The following THSD4 variants were observed in gnomAD, a reference collection of about 807,000 sequenced individuals.
The protein encoded by THSD4 is thrombospondin type-1 domain-containing protein 4.
Under a neutral mutation model 119.0 loss-of-function variants are expected in THSD4, and 69 were observed. The observed-to-expected ratio is 0.58, with a 90% CI of 0.48 to 0.71. The LOEUF is 0.71. THSD4 is among the 30% of genes least tolerant of loss of function. The pLI is 0.00. For missense variants in THSD4, 1,393 were observed against 1,391.1 expected (o/e 1.00, Z -0.02); for synonymous variants, 524 against 540.4 (o/e 0.97, Z 0.42).
chr15:71,470,881 C>G (rs974795768), intron 7 of THSD4, among the ~76,000 whole-genome samples: 6 of 151,538 alleles, frequency 4.0e-5, no homozygotes, highest in Non-Finnish European at 8.8e-5. Context: ...ATGATCCACC[C>G]GCCTCGGCCT....
At chr15:71,314,644 G>T (rs2045161579) in intron 6 of THSD4, among the ~76,000 whole-genome samples, 1 of 152,228 alleles carries the variant, frequency 6.6e-6, no homozygotes. Flanking sequence ...AAGTACTTGT[G>T]CTTTCAGCCT....
intron 1 of THSD4, among the ~76,000 whole-genome samples, chr15:71,127,003 A>G (rs2040461488): frequency 1.3e-5 from 2 of 152,212 alleles, no homozygotes; most frequent in Non-Finnish European, 2.9e-5. Flanking sequence ...AACTATTTTC[A>G]CTGCACTATG....
intron 15 of THSD4, 26 bp from the exon 16 acceptor site, chr15:71,764,994 T>C (rs757850896): frequency 2.5e-6 from 4 of 1,602,666 alleles, no homozygotes; most frequent in African/African-American, 2.7e-5. Context: ...CATGTGACAC[T>C]CATCTTTTTC....
At chr15:71,702,865 G>C (rs372211199) in intron 8 of THSD4, among the ~76,000 whole-genome samples, 1 of 152,110 alleles carries the variant, frequency 6.6e-6, no homozygotes, top group South Asian at 2.1e-4. Context: ...GGCAGAGTCC[G>C]TGCCTCTCTG....
At chr15:71,419,353 C>T (rs1375989027) in intron 7 of THSD4, among the ~76,000 whole-genome samples, 1 of 105,896 alleles carries the variant, frequency 9.4e-6, no homozygotes, top group African/African-American at 3.2e-5. Context: ...AGGTGCACGC[C>T]ACCACATCTG....
intron 3 of THSD4, among the ~76,000 whole-genome samples, chr15:71,162,397 T>C (rs1281075671): frequency 6.6e-6 from 1 of 152,088 alleles, no homozygotes; most frequent in Non-Finnish European, 1.5e-5. Flanking sequence ...TTGCTGGAAA[T>C]AGTATTCTTA....
intron 6 of THSD4, among the ~76,000 whole-genome samples, chr15:71,283,595 T>C (rs1048594303): frequency 6.6e-6 from 1 of 152,156 alleles, no homozygotes; most frequent in South Asian, 2.1e-4. Flanking sequence ...TGGGCTGCTT[T>C]ACAAGAAGCA....
chr15:71,289,922 C>G (rs919512523), intron 6 of THSD4, among the ~76,000 whole-genome samples: 1 of 152,076 alleles, frequency 6.6e-6, no homozygotes, highest in Non-Finnish European at 1.5e-5. Context: ...TTCCATTTTC[C>G]TAGCTGGATG....
chr15:71,244,847 T>C (rs1453567823), intron 5 of THSD4, among the ~76,000 whole-genome samples: 1 of 152,250 alleles, frequency 6.6e-6, no homozygotes, highest in East Asian at 1.9e-4. Context: ...TATTCTCCCA[T>C]TGAGTAGTGT....
intron 6 of THSD4, among the ~76,000 whole-genome samples, chr15:71,384,464 AT>A (rs1679451731): frequency 6.6e-6 from 1 of 152,140 alleles, no homozygotes; most frequent in Non-Finnish European, 1.5e-5. Context: ...GCCTTCCTTT[AT>A]CTGAAGGTAT....
At chr15:71,520,513 T>A (rs1198240007) in intron 7 of THSD4, among the ~76,000 whole-genome samples, 2 of 152,200 alleles carry the variant, frequency 1.3e-5, no homozygotes, top group Non-Finnish European at 2.9e-5. Flanking sequence ...CAAGGCAGTG[T>A]CTTGACCCCT....
intron 3 of THSD4, among the ~76,000 whole-genome samples, chr15:71,205,090 C>G (rs2043832729): frequency 6.6e-6 from 1 of 152,134 alleles, no homozygotes; most frequent in African/African-American, 2.4e-5. Context: ...ATTCCTGGGC[C>G]TTTCCCCAGA....
chr15:71,599,755 G>C (rs1405595197), intron 7 of THSD4, among the ~76,000 whole-genome samples: 2 of 152,230 alleles, frequency 1.3e-5, no homozygotes, highest in Non-Finnish European at 2.9e-5. Flanking sequence ...CAGTGGGCCA[G>C]GAGGAACGTG....
chr15:71,203,967 C>T (rs563680995), intron 3 of THSD4, among the ~76,000 whole-genome samples: 11 of 152,260 alleles, frequency 7.2e-5, no homozygotes, highest in East Asian at 1.9e-4. Flanking sequence ...TGCTGTTCCC[C>T]GAATCAGCCT....
At chr15:71,227,875 G>GT (rs2044031072) in intron 4 of THSD4, among the ~76,000 whole-genome samples, 1 of 152,134 alleles carries the variant, frequency 6.6e-6, no homozygotes, top group Non-Finnish European at 1.5e-5. Flanking sequence ...TCCCTCAAGG[G>GT]TTTTTTAGGT....
intron 7 of THSD4, among the ~76,000 whole-genome samples, chr15:71,636,956 C>T (rs568328028): frequency 1.3e-5 from 2 of 150,704 alleles, no homozygotes; most frequent in South Asian, 4.2e-4. Flanking sequence ...GTGATCTCGG[C>T]TCACTACAGC....
intron 8 of THSD4, among the ~76,000 whole-genome samples, chr15:71,711,522 AAGAAC>A (rs2052515700): frequency 6.6e-6 from 1 of 152,152 alleles, no homozygotes; most frequent in Non-Finnish European, 1.5e-5. Flanking sequence ...AGAAAGGAAA[AAGAAC>A]AGAGGAATAA....
At chr15:71,354,661 G>T (rs12439317) in intron 6 of THSD4, among the ~76,000 whole-genome samples, 32,450 of 152,054 alleles carry the variant, frequency 0.21, 3,934 homozygotes, top group East Asian at 0.54. Context: ...CCCTGCAGTT[G>T]CTAATAAGCA....
At chr15:71,272,885 GA>G (rs1431377075) in intron 6 of THSD4, among the ~76,000 whole-genome samples, 1 of 152,000 alleles carries the variant, frequency 6.6e-6, no homozygotes, top group Non-Finnish European at 1.5e-5. Flanking sequence ...AAAAGAAAAA[GA>G]AAAATGGTAA....
Sources: gnomAD v4.1 joint callset for allele counts (sites outside exome capture counted in the v4.1 genomes callset) on GRCh38, gnomAD v4.1.1 for gene constraint, MANE v1.5 for transcripts, NCBI Gene and HGNC (gene_info 2026-07-23, HGNC 2026-07-21) for gene names.